The following EXOC4 variants were observed in gnomAD, a reference collection of about 807,000 sequenced individuals.
The protein encoded by EXOC4 is SEC8-like 1.
EXOC4 carries 71 observed loss-of-function variants against 107.2 expected under a neutral mutation model. That is an observed-to-expected ratio of 0.66 (90% CI 0.55 to 0.81). The LOEUF (loss-of-function observed/expected upper bound fraction) is 0.81, where lower values mean the gene tolerates loss of function less well. Ranked by LOEUF, EXOC4 falls within the 30% of genes least tolerant of loss-of-function variation. EXOC4 has a pLI of 0.00. For synonymous variants in EXOC4, 456 were observed against 441.2 expected (o/e 1.03, Z -0.42); for missense variants, 1,108 against 1,189.6 (o/e 0.93, Z 1.01).
At chr7:134,017,559 C>A (rs987304462) in intron 17 of EXOC4, among the ~76,000 whole-genome samples, 1 of 152,026 alleles carries the variant, frequency 6.6e-6, no homozygotes, top group Non-Finnish European at 1.5e-5. Flanking sequence ...CCTTGCTGTC[C>A]CGTTTCTGAC....
chr7:134,061,962 G>T (rs1403658918), intron 17 of EXOC4, among the ~76,000 whole-genome samples: 1 of 152,202 alleles, frequency 6.6e-6, no homozygotes, highest in African/African-American at 2.4e-5. Flanking sequence ...AAGATTTACT[G>T]ATCTGGCACT....
At chr7:133,892,884 GA>G (rs1012795313) in intron 11 of EXOC4, among the ~76,000 whole-genome samples, 2 of 142,804 alleles carry the variant, frequency 1.4e-5, no homozygotes, top group Admixed American at 6.8e-5. Flanking sequence ...GTGTGGTAAT[GA>G]AAAAAATGTA....
intron 1 of EXOC4, among the ~76,000 whole-genome samples, chr7:133,269,922 C>T (rs1793825172): frequency 6.6e-6 from 1 of 152,118 alleles, no homozygotes; most frequent in Non-Finnish European, 1.5e-5. Context: ...CTCTTTATCT[C>T]TACAAAGAGG....
intron 12 of EXOC4, among the ~76,000 whole-genome samples, chr7:133,906,566 C>T (rs1294135518): frequency 1.2e-4 from 19 of 152,366 alleles, no homozygotes; most frequent in East Asian, 1.9e-4. Flanking sequence ...GAGCCGGCAA[C>T]GGCTACCCTC....
intron 14 of EXOC4, among the ~76,000 whole-genome samples, chr7:133,951,282 G>A (rs191072815): frequency 7.2e-5 from 11 of 152,328 alleles, no homozygotes; most frequent in Middle Eastern, 3.4e-3. Flanking sequence ...AGAGGAGTAT[G>A]GGCTTGTCCT....
intron 9 of EXOC4, among the ~76,000 whole-genome samples, chr7:133,583,909 A>G (rs1305101585): frequency 2.6e-5 from 4 of 152,186 alleles, no homozygotes; most frequent in Non-Finnish European, 4.4e-5. Flanking sequence ...CAGGGTGTCT[A>G]TGAGGTGATT....
At chr7:133,328,533 GT>G (rs2150600052) in intron 5 of EXOC4, among the ~76,000 whole-genome samples, 1 of 152,276 alleles carries the variant, frequency 6.6e-6, no homozygotes, top group East Asian at 1.9e-4. Context: ...GGTCTTTACA[GT>G]TTGGTATGTT....
chr7:133,296,693 C>CT lies in EXOC4; in HGVS notation c.471+7586dup, dbSNP rs1275548790. On this transcript the variant is annotated intron_variant, in intron 3 of 17. Transcript: ENST00000253861. Reference sequence around the variant, plus strand: ...GCACCTGGTTATTGTATTAGTTTTCCTTTTTTTTTAAATTTTGCTTTTTTA... The same window carrying CT: ...GCACCTGGTTATTGTATTAGTTTTCCTTTTTTTTTTAAATTTTGCTTTTTTA... 6.6e-5 allele frequency among the ~76,000 whole-genome samples: 10 copies of CT among 150,720 alleles called. No individual in the cohort carries two copies. In the East Asian group the frequency reaches 7.8e-4, roughly 12 times the overall value.
chr7:133,581,757 C>CAAA (rs71162005), intron 9 of EXOC4, among the ~76,000 whole-genome samples: 65 of 82,814 alleles, frequency 7.8e-4, no homozygotes, highest in Non-Finnish European at 9.8e-4. Flanking sequence ...GACTCCGTCT[C>CAAA]AAAAAAAAAA....
chr7:133,668,643 G>A (rs1793869768), intron 10 of EXOC4, among the ~76,000 whole-genome samples: 3 of 152,316 alleles, frequency 2.0e-5, no homozygotes, highest in Non-Finnish European at 2.9e-5. Flanking sequence ...GATTCTAGGA[G>A]CACATTTCTT....
Position 133,599,563 on chromosome 7 carries a change from A to G in EXOC4, c.1418-30482A>G, listed in dbSNP as rs138936355. The stretch of plus-strand genomic sequence containing the variant: ...TGATATACTTTGCTGAATATGATGT[A>G]TCATTGCCTCTTTGATGACAGTTAC... On this transcript the variant is annotated intron_variant, in intron 9 of 17. Coordinates refer to ENST00000253861, the MANE Select transcript of EXOC4 (RefSeq NM_021807.4). 2.3e-3 allele frequency among the ~76,000 whole-genome samples: 347 copies of G among 152,350 alleles called. 1 individual carries two copies. The highest frequency in any genetic ancestry group is 4.0e-3 in the Non-Finnish European group (270 of 68,036).
chr7:133,752,827 T>G (rs1258030796), intron 10 of EXOC4, among the ~76,000 whole-genome samples: 1 of 152,208 alleles, frequency 6.6e-6, no homozygotes, highest in African/African-American at 2.4e-5. Flanking sequence ...AAAATAGGCC[T>G]TGTTTTGCTG....
At chr7:133,919,930 G>A (rs966435657) in intron 13 of EXOC4, among the ~76,000 whole-genome samples, 1 of 152,098 alleles carries the variant, frequency 6.6e-6, no homozygotes, top group Non-Finnish European at 1.5e-5. Context: ...GATCATAAGG[G>A]CAAAATATGT....
At position 133,751,981 on chromosome 7, in the gene EXOC4, C is replaced by CTAAATAAATAAATAAA. The variant is rs1562982742; in HGVS notation, c.1515-65344_1515-65343insTAAATAAATAAATAAA. ...ACAACATAGTGAGACTATCTCTCTACCAAATAAATAAATAAATAAATAAAT... is the reference window on the plus strand; with the variant it reads ...ACAACATAGTGAGACTATCTCTCTACTAAATAAATAAATAAACAAATAAATAAATAAATAAATAAAT... On this transcript the variant is annotated intron_variant, in intron 10 of 17. Coordinates refer to ENST00000253861, the MANE Select transcript of EXOC4 (RefSeq NM_021807.4). Among the ~76,000 whole-genome samples the CTAAATAAATAAATAAA allele has an allele frequency of 9.4e-4, 72 of 76,572 alleles. No homozygotes were observed. The Middle Eastern group carries it at 0.032, about 35-fold the overall frequency. 50.2% of individuals were successfully genotyped at this position (76,572 alleles called of 152,430 possible).
intron 10 of EXOC4, among the ~76,000 whole-genome samples, chr7:133,671,532 A>G (rs1793945448): frequency 6.6e-6 from 1 of 152,150 alleles, no homozygotes; most frequent in African/African-American, 2.4e-5. Flanking sequence ...ACGCCACTGC[A>G]CTCCAGCCTG....
the EXOC4 span, among the ~76,000 whole-genome samples, chr7:134,087,198 C>T: frequency 6.6e-6 from 1 of 152,068 alleles, no homozygotes; most frequent in Non-Finnish European, 1.5e-5. Context: ...CTGACATTTC[C>T]CCCCTCCCTT....
chr7:133,347,244 C>CTT (rs57983951), intron 5 of EXOC4, among the ~76,000 whole-genome samples: 40,245 of 139,132 alleles, frequency 0.29, 6,745 homozygotes, highest in African/African-American at 0.46. Flanking sequence ...GTAAACTATA[C>CTT]TTTTTTTTTT....
At chr7:133,442,011 T>C (rs973601804) in intron 7 of EXOC4, among the ~76,000 whole-genome samples, 10 of 152,272 alleles carry the variant, frequency 6.6e-5, no homozygotes, top group African/African-American at 2.4e-4. Flanking sequence ...AATGAAATTC[T>C]GACCACTTGG....
chr7:133,382,014 A>T (rs887841679), intron 7 of EXOC4, among the ~76,000 whole-genome samples: 2 of 152,048 alleles, frequency 1.3e-5, no homozygotes, highest in Non-Finnish European at 2.9e-5. Context: ...AAGTTTGAGG[A>T]CCTTTGCTGT....
Sources: gnomAD v4.1 joint callset for allele counts (sites outside exome capture counted in the v4.1 genomes callset) on GRCh38, gnomAD v4.1.1 for gene constraint, MANE v1.5 for transcripts, NCBI Gene and HGNC (gene_info 2026-07-23, HGNC 2026-07-21) for gene names.